Variants in USH2A observed in about 807,000 individuals in gnomAD.
USH2A encodes usherin.
A neutral mutation model predicts 538.9 loss-of-function variants in USH2A; 443 were observed. The ratio of observed to expected loss-of-function variants is 0.82; its 90% confidence interval spans 0.76 to 0.89. USH2A has a LOEUF of 0.89. Among genes scored for constraint, USH2A ranks in the 40% least tolerant of loss-of-function variants. USH2A has a pLI of 0.00. For missense variants in USH2A, 6,633 were observed against 6,324.8 expected (o/e 1.05, Z -1.65); for synonymous variants, 2,413 against 2,273.5 (o/e 1.06, Z -1.75).
chr1:215,953,354 G>A (rs1227640259), intron 37 of USH2A, among the ~76,000 whole-genome samples: 1 of 152,150 alleles, frequency 6.6e-6, no homozygotes, highest in Non-Finnish European at 1.5e-5. Flanking sequence ...CATGGTACTG[G>A]TACCAAAACA....
chr1:215,648,457 G>A, intron 66 of USH2A, 71 bp downstream of exon 66: 3 of 1,505,704 alleles, frequency 2.0e-6, no homozygotes, highest in Middle Eastern at 1.7e-4. Context: ...TGCAGAGTAG[G>A]CTATACCATG....
chr1:216,067,995 G>T (rs2031435004), intron 30 of USH2A, among the ~76,000 whole-genome samples: 1 of 152,184 alleles, frequency 6.6e-6, no homozygotes, highest in Non-Finnish European at 1.5e-5. Flanking sequence ...CACTTTAGAA[G>T]AAGTGAGCAA....
intron 4 of USH2A, among the ~76,000 whole-genome samples, chr1:216,339,559 G>GA (rs1291190211): frequency 3.3e-5 from 5 of 151,304 alleles, no homozygotes; most frequent in African/African-American, 7.3e-5. Flanking sequence ...CTATTACCTG[G>GA]AAAAATCACT....
At chr1:215,896,722 T>C (rs1665352864) in intron 40 of USH2A, among the ~76,000 whole-genome samples, 1 of 152,168 alleles carries the variant, frequency 6.6e-6, no homozygotes, top group Non-Finnish European at 1.5e-5. Flanking sequence ...GATATCAACA[T>C]TTTCAGCTGC....
In USH2A at chr1:215,867,067, C is replaced by T. The variant is rs1664490499; in HGVS notation, c.8785G>A (p.Ala2929Thr). Reference sequence around the variant, plus strand: ...TTAAGGACACTCGCAGTGAGATTGGCTCCTCTCTCTGGAAGACCAGCTAAC... The same window carrying T: ...TTAAGGACACTCGCAGTGAGATTGGTTCCTCTCTCTGGAAGACCAGCTAAC... Reference protein sequence around the residue: ...TTLAGLPERGANLTASVLNHT... With the variant: ...TTLAGLPERGTNLTASVLNHT... The change falls in exon 44 of 72, where the codon GCC becomes ACC. Residue 2929 changes from alanine to threonine, a missense_variant. Physicochemically the swap from Ala to Thr is moderately conservative, Grantham distance 58 (BLOSUM62 0). Coordinates refer to ENST00000307340, the MANE Select transcript of USH2A (RefSeq NM_206933.4). The T allele has an allele frequency of 6.2e-7, 1 of 1,614,052 alleles. No individual in the cohort carries two copies. The highest frequency in any genetic ancestry group is 8.5e-7 in the Non-Finnish European group (1 of 1,180,020).
chr1:216,294,021 G>A (rs929164656), intron 9 of USH2A, among the ~76,000 whole-genome samples: 3 of 152,176 alleles, frequency 2.0e-5, no homozygotes, highest in Non-Finnish European at 4.4e-5. Context: ...TGTGTAAGGA[G>A]AGAACTGCCT....
At chr1:216,064,733 A>C (rs1030478637) in intron 30 of USH2A, among the ~76,000 whole-genome samples, 1 of 152,100 alleles carries the variant, frequency 6.6e-6, no homozygotes, top group Non-Finnish European at 1.5e-5. Flanking sequence ...AGTTCCCTAC[A>C]CTATTCAATA....
chr1:216,317,690 A>C (rs2037534484), intron 9 of USH2A, among the ~76,000 whole-genome samples: 1 of 151,864 alleles, frequency 6.6e-6, no homozygotes, highest in Admixed American at 6.6e-5. Flanking sequence ...CTACAAAAAA[A>C]AAAATACAAA....
Position 215,758,686 on chromosome 1 carries a change from T to C in USH2A, c.11298A>G (p.Gln3766=). 1.2e-6 allele frequency: 2 copies of C among 1,614,028 alleles called. No individual in the cohort carries two copies. Among genetic ancestry groups the C allele is most frequent in the Non-Finnish European group, 1.7e-6 (2 of 1,179,930 alleles). The part of the protein sequence containing the change: ...GSSASDDYIV[Q]TPMSTPEEIY... ...TTTCTTCTGGTGTTGACATAGGTGT[T>C]TGAACAATGTAATCATCACTAGCAC... The change falls in exon 58 of 72, where the codon CAA becomes CAG. Residue 3766 remains glutamine, a synonymous_variant. Coordinates refer to ENST00000307340, the MANE Select transcript of USH2A (RefSeq NM_206933.4).
At chr1:215,924,325 A>C (rs1453316151) in intron 38 of USH2A, among the ~76,000 whole-genome samples, 1 of 152,212 alleles carries the variant, frequency 6.6e-6, no homozygotes. Context: ...TTATAGAGAT[A>C]GAAAAAGGGA....
At chr1:216,080,960 C>T (rs1343325734) in intron 26 of USH2A, among the ~76,000 whole-genome samples, 1 of 151,560 alleles carries the variant, frequency 6.6e-6, no homozygotes, top group Admixed American at 6.6e-5. Flanking sequence ...TTTCTAGATC[C>T]TAAGATTATT....
chr1:216,231,249 T>TTATATATAATATA (rs2035677227), intron 14 of USH2A, among the ~76,000 whole-genome samples: 1 of 83,744 alleles, frequency 1.2e-5, no homozygotes, highest in African/African-American at 4.6e-5. Flanking sequence ...TATATATATA[T>TTATATATAATATA]TATATATATA....
At chr1:216,267,869 T>C (rs1017844185) in intron 11 of USH2A, among the ~76,000 whole-genome samples, 3 of 152,148 alleles carry the variant, frequency 2.0e-5, no homozygotes, top group African/African-American at 7.2e-5. Context: ...ATTTTACATG[T>C]AGTAGATGCT....
At chr1:216,305,300 G>A (rs560155671) in intron 9 of USH2A, among the ~76,000 whole-genome samples, 1 of 152,196 alleles carries the variant, frequency 6.6e-6, no homozygotes, top group East Asian at 1.9e-4. Context: ...TTGCTTTGAA[G>A]TTTGTTTTGT....
At chr1:215,743,665 C>T (rs1022965015) in intron 58 of USH2A, among the ~76,000 whole-genome samples, 1 of 150,720 alleles carries the variant, frequency 6.6e-6, no homozygotes, top group Admixed American at 6.6e-5. Flanking sequence ...TGTAAAAATA[C>T]AGAAATTAGC....
chr1:215,774,239 C>T (rs905246637), intron 55 of USH2A, among the ~76,000 whole-genome samples: 20 of 152,024 alleles, frequency 1.3e-4, no homozygotes, highest in African/African-American at 3.6e-4. Context: ...AGCTAACTTG[C>T]GTTATTAATT....
At chr1:216,393,980 T>A (rs938332575) in intron 3 of USH2A, among the ~76,000 whole-genome samples, 6 of 152,110 alleles carry the variant, frequency 3.9e-5, no homozygotes, top group Non-Finnish European at 7.4e-5. Flanking sequence ...TTTTTTGAAA[T>A]GGGAAGATTT....
chr1:215,721,980 A>G (rs1476081008), intron 61 of USH2A, among the ~76,000 whole-genome samples: 11 of 151,694 alleles, frequency 7.3e-5, no homozygotes, highest in Admixed American at 7.2e-4. Flanking sequence ...AGGGAGGATC[A>G]CTTCAGTGCA....
chr1:216,203,818 T>C (rs1023600244), intron 16 of USH2A, among the ~76,000 whole-genome samples: 1 of 152,200 alleles, frequency 6.6e-6, no homozygotes, highest in East Asian at 1.9e-4. Context: ...CTGTAGGTGA[T>C]AGAAGTCATT....
Sources: gnomAD v4.1 joint callset for allele counts (sites outside exome capture counted in the v4.1 genomes callset) on GRCh38, gnomAD v4.1.1 for gene constraint, MANE v1.5 for transcripts, NCBI Gene and HGNC (gene_info 2026-07-23, HGNC 2026-07-21) for gene names.